Variants in ADGRB3 observed in about 807,000 individuals in gnomAD.
The protein encoded by ADGRB3 is adhesion G protein-coupled receptor B3.
In ADGRB3, 37 loss-of-function variants were observed where a neutral mutation model predicts 193.4. The ratio of observed to expected loss-of-function variants is 0.19; its 90% confidence interval spans 0.15 to 0.25. ADGRB3 has a LOEUF of 0.25. Among genes scored for constraint, ADGRB3 ranks in the 10% least tolerant of loss-of-function variants. ADGRB3 has a pLI of 1.00. For synonymous variants in ADGRB3, 690 were observed against 644.2 expected (o/e 1.07, Z -1.08); for missense variants, 1,637 against 1,852.9 (o/e 0.88, Z 2.14).
At chr6:69,027,747 T>C (rs146017731) in intron 13 of ADGRB3, among the ~76,000 whole-genome samples, 1 of 152,138 alleles carries the variant, frequency 6.6e-6, no homozygotes, top group African/African-American at 2.4e-5. Context: ...GTGGAAATAG[T>C]GAAAAGGGGT....
chr6:68,903,790 C>T (rs1268293470), intron 3 of ADGRB3, among the ~76,000 whole-genome samples: 1 of 151,326 alleles, frequency 6.6e-6, no homozygotes, highest in African/African-American at 2.4e-5. Context: ...GTGAGAGGAT[C>T]GCTTGAGGCC....
At chr6:69,362,373 G>A (rs1218375029) in intron 29 of ADGRB3, among the ~76,000 whole-genome samples, 5 of 151,886 alleles carry the variant, frequency 3.3e-5, no homozygotes, top group Non-Finnish European at 7.4e-5. Context: ...ACTATAATTA[G>A]TTGCCTGCCC....
chr6:69,145,354 C>T (rs2150339226), intron 17 of ADGRB3, among the ~76,000 whole-genome samples: 1 of 152,320 alleles, frequency 6.6e-6, no homozygotes, highest in Middle Eastern at 3.4e-3. Flanking sequence ...CAACAGCTTC[C>T]ACAGCTGGCA....
intron 17 of ADGRB3, among the ~76,000 whole-genome samples, chr6:69,103,552 T>C (rs1273192433): frequency 6.6e-6 from 1 of 152,004 alleles, no homozygotes; most frequent in Non-Finnish European, 1.5e-5. Context: ...TTAAGATAAT[T>C]TATGGCTTTA....
At chr6:69,072,862 A>G (rs1772116198) in intron 16 of ADGRB3, among the ~76,000 whole-genome samples, 1 of 152,236 alleles carries the variant, frequency 6.6e-6, no homozygotes. Flanking sequence ...GATTTATCAG[A>G]AAGTCACAAG....
intron 29 of ADGRB3, among the ~76,000 whole-genome samples, chr6:69,363,795 T>G (rs1193101503): frequency 6.6e-6 from 1 of 152,034 alleles, no homozygotes; most frequent in Non-Finnish European, 1.5e-5. Context: ...TCTGGCTTTC[T>G]TCTCGGGCAG....
intron 15 of ADGRB3, among the ~76,000 whole-genome samples, chr6:69,054,676 G>C (rs1057079370): frequency 5.3e-5 from 8 of 152,040 alleles, no homozygotes; most frequent in South Asian, 2.1e-4. Context: ...TCTCGGTTTA[G>C]TTTGGTCAGA....
At chr6:68,718,642 A>G (rs2127321737) in intron 3 of ADGRB3, among the ~76,000 whole-genome samples, 1 of 151,832 alleles carries the variant, frequency 6.6e-6, no homozygotes, top group South Asian at 2.1e-4. Context: ...CTTCTGGGAA[A>G]TCTTCCTCAG....
intron 17 of ADGRB3, among the ~76,000 whole-genome samples, chr6:69,136,223 A>C (rs1004079960): frequency 4.6e-5 from 7 of 152,094 alleles, no homozygotes; most frequent in Non-Finnish European, 8.8e-5. Flanking sequence ...CCATAAAAAA[A>C]TTTAGAACTT....
At chr6:69,226,765 G>A (rs747223580) in intron 17 of ADGRB3, among the ~76,000 whole-genome samples, 1 of 152,220 alleles carries the variant, frequency 6.6e-6, no homozygotes, top group African/African-American at 2.4e-5. Flanking sequence ...AGCTTAACTT[G>A]GGGCTGGTTA....
intron 20 of ADGRB3, among the ~76,000 whole-genome samples, chr6:69,263,929 C>A (rs1383120852): frequency 6.6e-6 from 1 of 151,954 alleles, no homozygotes; most frequent in East Asian, 1.9e-4. Flanking sequence ...AGGTAAACTT[C>A]ATTTCAATAT....
chr6:68,961,539 G>A (rs1459437411), intron 8 of ADGRB3, among the ~76,000 whole-genome samples: 2 of 152,158 alleles, frequency 1.3e-5, no homozygotes, highest in Non-Finnish European at 2.9e-5. Flanking sequence ...GTTCCAGTTA[G>A]TAGAATAGTG....
At chr6:69,183,734 C>G (rs993132774) in intron 17 of ADGRB3, among the ~76,000 whole-genome samples, 10 of 152,010 alleles carry the variant, frequency 6.6e-5, no homozygotes, top group African/African-American at 2.4e-4. Context: ...TTTAACTTCT[C>G]TCAGATATGT....
intron 3 of ADGRB3, among the ~76,000 whole-genome samples, chr6:68,808,398 G>GA (rs1486559332): frequency 7.3e-5 from 11 of 149,872 alleles, no homozygotes; most frequent in Non-Finnish European, 1.3e-4. Context: ...TAAGAAGGGG[G>GA]AAAAAAGCAA....
intron 3 of ADGRB3, among the ~76,000 whole-genome samples, chr6:68,830,967 A>AAAG (rs1767940755): frequency 6.6e-6 from 1 of 151,564 alleles, no homozygotes; most frequent in African/African-American, 2.4e-5. Context: ...AAAAAAAAAA[A>AAAG]AGAGAATGCT....
chr6:69,185,886 A>C (rs1765055835), intron 17 of ADGRB3, among the ~76,000 whole-genome samples: 1 of 152,166 alleles, frequency 6.6e-6, no homozygotes, highest in African/African-American at 2.4e-5. Flanking sequence ...TTCCAATAAA[A>C]AAATCTGTGT....
intron 17 of ADGRB3, among the ~76,000 whole-genome samples, chr6:69,116,237 A>C (rs1035325953): frequency 1.3e-5 from 2 of 152,178 alleles, no homozygotes; most frequent in Non-Finnish European, 1.5e-5. Flanking sequence ...ACTGCCTATA[A>C]ATGTTAACCA....
chr6:68,820,479 A>G (rs561000669), intron 3 of ADGRB3, among the ~76,000 whole-genome samples: 1 of 152,124 alleles, frequency 6.6e-6, no homozygotes, highest in South Asian at 2.1e-4. Context: ...AGCATTTACC[A>G]TTTCTTTGTA....
chr6:68,719,646 TC>T (rs1295356817), intron 3 of ADGRB3, among the ~76,000 whole-genome samples: 2 of 151,690 alleles, frequency 1.3e-5, no homozygotes. Context: ...AGAAACCAGT[TC>T]CAAAAATTAG....
Sources: allele counts gnomAD v4.1 joint callset (sites outside exome capture counted in the v4.1 genomes callset), GRCh38; gene constraint gnomAD v4.1.1; transcripts MANE v1.5; gene names NCBI Gene and HGNC (gene_info 2026-07-23, HGNC 2026-07-21).